MRPL43: variants seen among roughly 807,000 people sequenced by gnomAD.
The protein encoded by MRPL43 is mitochondrial ribosomal protein L43, also known as large ribosomal subunit protein mL43.
A neutral mutation model predicts 12.7 loss-of-function variants in MRPL43; 9 were observed. That is an observed-to-expected ratio of 0.71 (90% confidence interval 0.43 to 1.24). The LOEUF is 1.24. MRPL43 is among the 50% of genes most tolerant of loss of function. The pLI is 0.00. For synonymous variants in MRPL43, 116 were observed against 96.4 expected (o/e 1.20, Z -1.19); for missense variants, 211 against 229.2 (o/e 0.92, Z 0.51).
downstream of MRPL43, among the ~76,000 whole-genome samples, chr10:100,979,622 C>T (rs540774934): frequency 1.3e-5 from 2 of 152,086 alleles, no homozygotes; most frequent in Non-Finnish European, 2.9e-5. Context: ...ACCTCGTGAT[C>T]TGCTCGCCTC....
downstream of MRPL43, chr10:100,978,406 C>T (rs762206045): frequency 1.9e-6 from 3 of 1,610,166 alleles, no homozygotes; most frequent in African/African-American, 2.7e-5. Context: ...GGCCTTCTTC[C>T]CTATCACAGA....
chr10:100,983,499 A>C (rs764316566), downstream of MRPL43: 1 of 1,614,200 alleles, frequency 6.2e-7, no homozygotes, highest in Non-Finnish European at 8.5e-7. Context: ...GCACAGTGGC[A>C]ACTATGGCTG....
Position 100,986,901 on chromosome 10 carries a change from C to T in MRPL43, c.313G>A (p.Ala105Thr). ...ATCACGTCCAAGCCCGACTGGTCGG[C>T]CAGCTTCTGCACCAGCGTCGAGATC... is the stretch of plus-strand genomic sequence containing the variant. Reference protein sequence around the residue: ...EEISTLVQKLADQSGLDVIRI... With the variant: ...EEISTLVQKLTDQSGLDVIRI... Residue 105 changes from alanine (A) to threonine (T), a missense_variant, in exon 3 of 3, where the codon GCC (alanine) becomes ACC (threonine). Ala to Thr is a moderately conservative substitution (Grantham distance 58). Transcript: ENST00000318364. The T allele has an allele frequency of 6.2e-7, 1 of 1,612,260 alleles. No homozygotes were observed. The highest frequency in any genetic ancestry group is 8.5e-7 in the Non-Finnish European group (1 of 1,180,008).
At chr10:100,985,584 G>T (rs576811967), downstream of MRPL43, 2 of 152,712 alleles carry the variant, frequency 1.3e-5, no homozygotes, top group East Asian at 3.9e-4. Context: ...TCCTCCCCCT[G>T]CCGTTGGTTA....
At chr10:100,978,398 CCTT>C (rs1429444660), downstream of MRPL43, 3 of 1,611,304 alleles carry the variant, frequency 1.9e-6, no homozygotes, top group African/African-American at 4.0e-5. Flanking sequence ...GGTGAGCAGG[CCTT>C]CTTCCCTATC....
chr10:100,981,123 G>A (rs771687710), downstream of MRPL43: 4 of 1,612,842 alleles, frequency 2.5e-6, no homozygotes, highest in South Asian at 1.1e-5. Context: ...CTGGGAAACT[G>A]AAACCCAGTT....
chr10:100,978,953 G>A, downstream of MRPL43: 2 of 1,614,212 alleles, frequency 1.2e-6, no homozygotes, highest in South Asian at 2.2e-5. Flanking sequence ...CACTGAGGAG[G>A]GCTCTGGCAG....
chr10:100,987,075 C>T lies in MRPL43; in HGVS notation c.238+15G>A, dbSNP rs1310391241. Reference sequence around the variant, plus strand: ...CCCTGATCCCGCCCTCCAGCCCGAGCCCGGCCCCACTCACGGTATTCGGCC... The same window carrying T: ...CCCTGATCCCGCCCTCCAGCCCGAGTCCGGCCCCACTCACGGTATTCGGCC... On this transcript the variant is annotated intron_variant, in intron 2 of 2. Transcript: ENST00000318364. The T allele has an allele frequency of 1.9e-6, 3 of 1,612,358 alleles. No individual in the cohort carries two copies. The highest frequency in any genetic ancestry group is 2.5e-6 in the Non-Finnish European group (3 of 1,179,880).
chr10:100,982,076 AAG>A (rs1554884590), downstream of MRPL43, among the ~76,000 whole-genome samples: 85 of 150,554 alleles, frequency 5.6e-4, no homozygotes, highest in Middle Eastern at 3.4e-3. Flanking sequence ...AAAAAAAAAA[AAG>A]AAAGAAAAAA....
chr10:100,979,870 A>G, downstream of MRPL43: 1 of 1,613,950 alleles, frequency 6.2e-7, no homozygotes, highest in Non-Finnish European at 8.5e-7. Context: ...GGCCTCAGCC[A>G]TCTGCCGCTA....
downstream of MRPL43, chr10:100,978,772 G>C: frequency 6.3e-7 from 1 of 1,576,624 alleles, no homozygotes; most frequent in East Asian, 2.2e-5. Flanking sequence ...GTGTTGTCAA[G>C]TGAGGGGTCA....
In MRPL43 at chr10:100,987,417, G is replaced by A; in HGVS notation, c.27C>T (p.Arg9=). 1.9e-6 allele frequency: 3 copies of A among 1,612,454 alleles called. No individual in the cohort carries two copies. Among genetic ancestry groups the A allele is most frequent in the Non-Finnish European group, 2.5e-6 (3 of 1,179,910 alleles). ...CGTTGTGGAGAACGCTGGCCAAGAAGCGGCTCGGAGTCCCGCGCGCCGTCA... is the reference window on the plus strand; with the variant it reads ...CGTTGTGGAGAACGCTGGCCAAGAAACGGCTCGGAGTCCCGCGCGCCGTCA... MTARGTPS[R]FLASVLHNGL... The change falls in exon 1 of 3, where the codon CGC becomes CGT. Residue 9 remains arginine, a synonymous_variant. Coordinates refer to ENST00000318364, the MANE Select transcript of MRPL43 (RefSeq NM_032112.3).
downstream of MRPL43, chr10:100,978,856 G>C (rs768211235): frequency 6.2e-7 from 1 of 1,613,996 alleles, no homozygotes; most frequent in South Asian, 1.1e-5. Flanking sequence ...CAGATGCGGA[G>C]TTTGTGTTCT....
At chr10:100,981,212 A>T (rs746282456), downstream of MRPL43, 2 of 1,614,234 alleles carry the variant, frequency 1.2e-6, no homozygotes, top group Admixed American at 1.7e-5. Context: ...CGAGGCTGTG[A>T]GAGCAGCAGG....
In MRPL43 at chr10:100,986,917, C is replaced by A. The variant is rs1851516456; in HGVS notation, c.297G>T (p.Thr99=). 1 of 1,611,036 alleles carries A rather than the reference C, an allele frequency of 6.2e-7. No individual in the cohort carries two copies. Among genetic ancestry groups the A allele is most frequent in the Admixed American group, 1.7e-5 (1 of 59,990 alleles). The part of the protein sequence containing the change: ...IHCKSVEEIS[T]LVQKLADQSG... Reference sequence around the variant, plus strand: ...ACTGGTCGGCCAGCTTCTGCACCAGCGTCGAGATCTCCTCGACCGACTTGC... The same window carrying A: ...ACTGGTCGGCCAGCTTCTGCACCAGAGTCGAGATCTCCTCGACCGACTTGC... Residue 99 remains threonine, a synonymous_variant, in exon 3 of 3, where the codon ACG becomes ACT. Transcript: ENST00000318364.
rs780912419 is a variant in MRPL43, at chr10:100,987,458, G to A, written c.-15C>T. The A allele has an allele frequency of 1.3e-5, 21 of 1,611,330 alleles. No homozygotes were observed. The highest frequency in any genetic ancestry group is 2.2e-5 in the East Asian group (1 of 44,850). On this transcript the variant is annotated 5_prime_UTR_variant, in exon 1 of 3. Coordinates refer to ENST00000318364, the MANE Select transcript of MRPL43 (RefSeq NM_032112.3). ...CGCGCCGTCATAGCTACAGCTTGGA[G>A]GCCGCGGAGCCTAAGCAGCGAGGAG...
chr10:100,987,383 G>C lies in MRPL43; in HGVS notation c.61C>G (p.Arg21Gly). The stretch of plus-strand genomic sequence containing the variant: ...AGACGCTGCAGCTGCTGCACATAGC[G>C]ACCCAGTCCGTTGTGGAGAACGCTG... ...LASVLHNGLG[R>G]YVQQLQRLSF... Residue 21 changes from arginine to glycine, a missense_variant, in exon 1 of 3, where the codon CGC becomes GGC. By Grantham distance (125) the Arg-to-Gly change is moderately radical. Coordinates refer to ENST00000318364, the MANE Select transcript of MRPL43 (RefSeq NM_032112.3). The C allele has an allele frequency of 1.2e-6, 2 of 1,612,650 alleles. No individual in the cohort carries two copies. Among genetic ancestry groups the C allele is most frequent in the Non-Finnish European group, 1.7e-6 (2 of 1,179,946 alleles).
chr10:100,982,707 G>A (rs761440228), downstream of MRPL43, among the ~76,000 whole-genome samples: 5 of 152,194 alleles, frequency 3.3e-5, no homozygotes, highest in African/African-American at 9.7e-5. Flanking sequence ...CAAGATAATC[G>A]CGTGAACCAG....
At chr10:100,978,602 C>G (rs142527271), downstream of MRPL43, 13 of 1,614,172 alleles carry the variant, frequency 8.1e-6, no homozygotes, top group Non-Finnish European at 1.1e-5. Context: ...CACCCACACT[C>G]CCTGAGAACT....
Sources: allele counts gnomAD v4.1 joint callset (sites outside exome capture counted in the v4.1 genomes callset), GRCh38; gene constraint gnomAD v4.1.1; transcripts MANE v1.5; gene names NCBI Gene and HGNC (gene_info 2026-07-23, HGNC 2026-07-21).